RIT2: variants seen among roughly 807,000 people sequenced by gnomAD.
RIT2 encodes the protein GTP-binding protein Rit2.
RIT2 carries 24 observed loss-of-function variants against 23.7 expected under a neutral mutation model. The observed-to-expected ratio is 1.01, with a 90% confidence interval of 0.73 to 1.43. The LOEUF (loss-of-function observed/expected upper bound fraction) is 1.43, where lower values mean the gene tolerates loss of function less well. RIT2 is among the 40% of genes most tolerant of loss of function. The probability of loss-of-function intolerance (pLI) is 0.00; values close to 1 mark genes in which losing one functional copy is unlikely to be tolerated. For synonymous variants in RIT2, 107 were observed against 91.1 expected (o/e 1.17, Z -0.99); for missense variants, 236 against 266.9 (o/e 0.88, Z 0.81).
intron 4 of RIT2, among the ~76,000 whole-genome samples, chr18:42,785,968 G>A (rs956912914): frequency 1.3e-5 from 2 of 152,084 alleles, no homozygotes; most frequent in African/African-American, 4.8e-5. Context: ...ACTATATTAT[G>A]CTATGCCATA....
At chr18:42,990,299 G>C (rs1910811821) in intron 2 of RIT2, among the ~76,000 whole-genome samples, 1 of 152,096 alleles carries the variant, frequency 6.6e-6, no homozygotes, top group Non-Finnish European at 1.5e-5. Context: ...GTTTGAATGG[G>C]GCCCATCCAC....
chr18:43,051,498 G>A (rs938608350), intron 1 of RIT2, among the ~76,000 whole-genome samples: 33 of 152,024 alleles, frequency 2.2e-4, no homozygotes, highest in African/African-American at 8.0e-4. Flanking sequence ...TTCCATCCAG[G>A]AGAGGTTCAC....
At chr18:43,088,030 A>C (rs187882072) in intron 1 of RIT2, among the ~76,000 whole-genome samples, 1 of 152,318 alleles carries the variant, frequency 6.6e-6, no homozygotes, top group Non-Finnish European at 1.5e-5. Flanking sequence ...GCCCAAAATC[A>C]GAAGAGTTGA....
chr18:43,086,391 T>C (rs1195405982), intron 1 of RIT2, among the ~76,000 whole-genome samples: 2 of 152,118 alleles, frequency 1.3e-5, no homozygotes, highest in Admixed American at 6.5e-5. Context: ...CCTAGAAACA[T>C]GCAACCTACC....
At chr18:42,927,257 T>C (rs1909203492) in intron 3 of RIT2, among the ~76,000 whole-genome samples, 3 of 151,752 alleles carry the variant, frequency 2.0e-5, no homozygotes, top group Non-Finnish European at 4.4e-5. Flanking sequence ...TTTCCACCAA[T>C]AAAACAGATG....
intron 4 of RIT2, among the ~76,000 whole-genome samples, chr18:42,812,308 C>T (rs148494950): frequency 1.3e-5 from 2 of 152,242 alleles, no homozygotes; most frequent in African/African-American, 2.4e-5. Context: ...TGGAGCTTCC[C>T]TCAGCTTGTG....
intron 4 of RIT2, among the ~76,000 whole-genome samples, chr18:42,754,844 A>G (rs1035179638): frequency 6.6e-6 from 1 of 152,328 alleles, no homozygotes; most frequent in East Asian, 1.9e-4. Context: ...CATAAAACTG[A>G]AATTTCAGAG....
chr18:42,904,823 G>A (rs16977120), intron 4 of RIT2, among the ~76,000 whole-genome samples: 2,817 of 152,072 alleles, frequency 0.019, 77 homozygotes, highest in African/African-American at 0.062. Context: ...TACACAGAAC[G>A]GGGCGTCAAA....
intron 4 of RIT2, among the ~76,000 whole-genome samples, chr18:42,867,530 T>C (rs1420410706): frequency 6.6e-6 from 1 of 151,890 alleles, no homozygotes; most frequent in Non-Finnish European, 1.5e-5. Context: ...TAGAGGCTCA[T>C]GCCTGTAATC....
At chr18:42,850,781 G>A (rs1198799326) in intron 4 of RIT2, among the ~76,000 whole-genome samples, 2 of 152,094 alleles carry the variant, frequency 1.3e-5, no homozygotes, top group Admixed American at 6.5e-5. Context: ...ATCCTTTAGT[G>A]TTGGCTGCAA....
At chr18:42,967,504 G>GT (rs1856703161) in intron 3 of RIT2, among the ~76,000 whole-genome samples, 1 of 145,250 alleles carries the variant, frequency 6.9e-6, no homozygotes, top group Admixed American at 6.9e-5. Flanking sequence ...TGAGTAGCTG[G>GT]TATTACAGAC....
intron 4 of RIT2, among the ~76,000 whole-genome samples, chr18:42,907,354 G>A (rs941458602): frequency 2.0e-5 from 3 of 152,098 alleles, no homozygotes; most frequent in Non-Finnish European, 2.9e-5. Flanking sequence ...AAAATAACTT[G>A]GAATGATGGA....
At chr18:42,910,496 T>C (rs999004792) in intron 4 of RIT2, among the ~76,000 whole-genome samples, 1 of 152,028 alleles carries the variant, frequency 6.6e-6, no homozygotes, top group African/African-American at 2.4e-5. Flanking sequence ...TGCCCAAATG[T>C]TGCATTTTGG....
At chr18:42,832,086 G>A (rs764298535) in intron 4 of RIT2, among the ~76,000 whole-genome samples, 9 of 152,246 alleles carry the variant, frequency 5.9e-5, no homozygotes, top group Admixed American at 4.6e-4. Context: ...ACAGGAGAAA[G>A]CTTCAGGGCA....
chr18:43,075,783 C>G (rs1378793295), intron 1 of RIT2, among the ~76,000 whole-genome samples: 3 of 152,218 alleles, frequency 2.0e-5, no homozygotes, highest in East Asian at 1.9e-4. Context: ...GTCTAAGAAC[C>G]CTGTCAGTCT....
At chr18:42,944,134 A>G (rs79611969) in intron 3 of RIT2, among the ~76,000 whole-genome samples, 6,842 of 152,202 alleles carry the variant, frequency 0.045, 208 homozygotes, top group Non-Finnish European at 0.054. Flanking sequence ...TGGAAAAAAC[A>G]AAAAGTCTTG....
chr18:42,762,164 G>T (rs1307913202), intron 4 of RIT2, among the ~76,000 whole-genome samples: 2 of 152,034 alleles, frequency 1.3e-5, no homozygotes, highest in East Asian at 3.9e-4. Flanking sequence ...CTTATGCCTG[G>T]CCTTTATAAA....
intron 4 of RIT2, among the ~76,000 whole-genome samples, chr18:42,864,156 T>C (rs981925856): frequency 1.3e-5 from 2 of 152,168 alleles, no homozygotes; most frequent in Non-Finnish European, 2.9e-5. Flanking sequence ...CACTCACATC[T>C]ACCTGTTGGT....
At chr18:43,016,192 A>C (rs1911470505) in intron 2 of RIT2, among the ~76,000 whole-genome samples, 1 of 151,930 alleles carries the variant, frequency 6.6e-6, no homozygotes, top group Non-Finnish European at 1.5e-5. Flanking sequence ...TTCACAGATT[A>C]TATGCATCTG....
Sources: gnomAD v4.1 joint callset for allele counts (sites outside exome capture counted in the v4.1 genomes callset) on GRCh38, gnomAD v4.1.1 for gene constraint, MANE v1.5 for transcripts, NCBI Gene and HGNC (gene_info 2026-07-23, HGNC 2026-07-21) for gene names.